AKAP13: variants seen among roughly 807,000 people sequenced by gnomAD.
The protein encoded by AKAP13 is A-kinase anchoring protein 13, also known as A-kinase anchor protein 13.
Under a neutral mutation model 264.5 loss-of-function variants are expected in AKAP13, and 80 were observed. That is an observed-to-expected ratio of 0.30 (90% confidence interval 0.25 to 0.36). The LOEUF (loss-of-function observed/expected upper bound fraction) is 0.36. Ranked by LOEUF, AKAP13 falls within the 10% of genes least tolerant of loss-of-function variation. AKAP13 has a pLI of 1.00. For synonymous variants in AKAP13, 1,380 were observed against 1,250.2 expected, an observed-to-expected ratio of 1.10 and a Z score of -2.19; for missense variants, 3,712 against 3,435.2, an observed-to-expected ratio of 1.08 and a Z score of -2.01.
chr15:85,456,559 T>C (rs959810458), intron 1 of AKAP13, among the ~76,000 whole-genome samples: 4 of 150,362 alleles, frequency 2.7e-5, no homozygotes, highest in African/African-American at 9.8e-5. Flanking sequence ...TGTTTTTTTT[T>C]TTTTTTTTGA....
At chr15:85,470,075 G>T (rs2074903501) in intron 1 of AKAP13, among the ~76,000 whole-genome samples, 1 of 152,186 alleles carries the variant, frequency 6.6e-6, no homozygotes, top group Non-Finnish European at 1.5e-5. Context: ...ATCACCTGAG[G>T]TCAGGAGTTC....
chr15:85,509,810 C>T (rs990505981), intron 2 of AKAP13, among the ~76,000 whole-genome samples: 1 of 152,158 alleles, frequency 6.6e-6, no homozygotes, highest in African/African-American at 2.4e-5. Context: ...ATTTTATAAG[C>T]GTCATTATAT....
At chr15:85,426,118 A>C (rs1172852226) in intron 1 of AKAP13, among the ~76,000 whole-genome samples, 1 of 152,222 alleles carries the variant, frequency 6.6e-6, no homozygotes, top group Non-Finnish European at 1.5e-5. Context: ...TCATTCTATA[A>C]TATCCAGTTT....
chr15:85,533,466 G>C (rs771048923), intron 3 of AKAP13, 118 bp from the exon 4 acceptor site: 1 of 905,094 alleles, frequency 1.1e-6, no homozygotes, highest in Non-Finnish European at 1.6e-6. Flanking sequence ...GGAAGGAGGG[G>C]GTGTTTTTTA....
At chr15:85,676,005 G>A (rs907785231) in intron 14 of AKAP13, among the ~76,000 whole-genome samples, 3 of 151,944 alleles carry the variant, frequency 2.0e-5, no homozygotes, top group South Asian at 2.1e-4. Context: ...TCTGCCTCCC[G>A]GGTTCAAGCA....
chr15:85,526,848 A>G (rs1406142431), intron 3 of AKAP13, among the ~76,000 whole-genome samples: 2 of 152,182 alleles, frequency 1.3e-5, no homozygotes, highest in East Asian at 1.9e-4. Context: ...GAAAACTTAA[A>G]TTACTGTCCT....
At chr15:85,691,897 C>T (rs1454132926) in intron 16 of AKAP13, 4 of 482,648 alleles carry the variant, frequency 8.3e-6, no homozygotes, top group Non-Finnish European at 1.7e-5. Flanking sequence ...CTTATCTTTC[C>T]AACCTAGGGA....
chr15:85,394,036 CATT>C (rs2070994756), intron 1 of AKAP13, among the ~76,000 whole-genome samples: 2 of 152,156 alleles, frequency 1.3e-5, no homozygotes, highest in Non-Finnish European at 2.9e-5. Context: ...TGTGGATGGA[CATT>C]AATAATTAAC....
rs1226163759 is a variant in AKAP13 at position 85,581,306 on chromosome 15, G to C, written c.3238G>C (p.Ala1080Pro). 6.2e-7 allele frequency: 1 copy of C among 1,614,216 alleles called. No individual in the cohort carries two copies. Among genetic ancestry groups the C allele is most frequent in the Admixed American group, 1.7e-5 (1 of 60,030 alleles). The change falls in exon 7 of 37, where the codon GCC (alanine) becomes CCC (proline). Residue 1080 changes from alanine (A) to proline (P), a missense_variant. Transcript: ENST00000394518. The stretch of plus-strand genomic sequence containing the variant: ...CACTCAATCCCAGGGAAAAACTAGT[G>C]CCTGTGAGGTGAGTGGAGATGTGAC... The part of the protein sequence containing the change: ...KNTQSQGKTS[A>P]CEVSGDVTVD...
intron 1 of AKAP13, among the ~76,000 whole-genome samples, chr15:85,438,834 T>C (rs1298097189): frequency 2.0e-5 from 3 of 151,262 alleles, no homozygotes; most frequent in East Asian, 3.9e-4. Flanking sequence ...GGATTAAAGA[T>C]TTAAACGTTA....
rs183028615 is a variant in AKAP13 at position 85,469,561 on chromosome 15, C to T, written c.-11-16149C>T. On this transcript the variant is annotated intron_variant, in intron 1 of 36. Transcript: ENST00000394518. ...ATTTGCAGGCCATTTCTGGTGGACC[C>T]ACCAGCTGCAAGATACAGATTTATT... Among the ~76,000 whole-genome samples, 21 of 152,280 alleles carry T rather than the reference C, an allele frequency of 1.4e-4. No individual in the cohort carries two copies. In the East Asian group the frequency reaches 3.5e-3, roughly 25 times the overall value.
At chr15:85,644,719 A>T (rs1456710643) in intron 9 of AKAP13, among the ~76,000 whole-genome samples, 1 of 146,590 alleles carries the variant, frequency 6.8e-6, no homozygotes, top group Admixed American at 6.8e-5. Context: ...AAAAAAAATT[A>T]GCCAGGCATG....
intron 1 of AKAP13, among the ~76,000 whole-genome samples, chr15:85,452,936 T>C (rs1018707622): frequency 6.6e-6 from 1 of 152,172 alleles, no homozygotes; most frequent in Non-Finnish European, 1.5e-5. Context: ...GGTTGTTTGC[T>C]TGATTCCTGG....
rs752813385 is a variant in AKAP13, at chr15:85,664,593, T to C, written c.4830T>C (p.Ala1610=). 10 of 1,613,406 alleles carry C rather than the reference T, an allele frequency of 6.2e-6. No homozygotes were observed. Among genetic ancestry groups the C allele is most frequent in the Non-Finnish European group, 8.5e-6 (10 of 1,179,630 alleles). ...SFSLEGLTGG[A]GVGNKPSSSL... ...GTCTAGAAGGCTTGACAGGAGGAGC[T>C]GGTGTCGGAAACAAGCCATCCTCAT... Residue 1610 remains alanine, a synonymous_variant, in exon 13 of 37, where the codon GCT becomes GCC. Transcript: ENST00000394518.
At chr15:85,497,305 A>C (rs2075898629) in intron 2 of AKAP13, among the ~76,000 whole-genome samples, 1 of 152,240 alleles carries the variant, frequency 6.6e-6, no homozygotes. Flanking sequence ...TGCGTAGATA[A>C]ATTACAGTGC....
chr15:85,419,935 G>GTTTTTT (rs11452064), intron 1 of AKAP13, among the ~76,000 whole-genome samples: 64 of 77,988 alleles, frequency 8.2e-4, no homozygotes, highest in East Asian at 1.2e-3. Flanking sequence ...TCTGACTCTT[G>GTTTTTT]TTTTTTTTTT....
At chr15:85,491,497 T>TTTTTTATATATTATA (rs1567085099) in intron 2 of AKAP13, among the ~76,000 whole-genome samples, 1 of 140,692 alleles carries the variant, frequency 7.1e-6, no homozygotes, top group Non-Finnish European at 1.5e-5. Flanking sequence ...TTATATATAT[T>TTTTTTATATATTATA]TATTATATAT....
intron 35 of AKAP13, among the ~76,000 whole-genome samples, chr15:85,742,079 C>T (rs890521109): frequency 2.0e-5 from 3 of 152,090 alleles, no homozygotes; most frequent in Admixed American, 6.5e-5. Context: ...TGTTTTACCC[C>T]GAAAGAGAGG....
At chr15:85,693,792 A>G (rs1161947368) in intron 17 of AKAP13, among the ~76,000 whole-genome samples, 1 of 152,222 alleles carries the variant, frequency 6.6e-6, no homozygotes. Flanking sequence ...GCAGTATTCA[A>G]TAAATTACAT....
Sources: gnomAD v4.1 joint callset for allele counts (sites outside exome capture counted in the v4.1 genomes callset) on GRCh38, gnomAD v4.1.1 for gene constraint, MANE v1.5 for transcripts, NCBI Gene and HGNC (gene_info 2026-07-23, HGNC 2026-07-21) for gene names.